The following DOCK9 variants were observed in gnomAD, a reference collection of about 807,000 sequenced individuals.
The protein encoded by DOCK9 is dedicator of cytokinesis 9.
A neutral mutation model predicts 263.3 loss-of-function variants in DOCK9; 89 were observed. The observed-to-expected ratio is 0.34, with a 90% CI of 0.28 to 0.40. DOCK9 has a LOEUF of 0.40. DOCK9 is among the 10% of genes least tolerant of loss of function. The pLI, the probability that DOCK9 is intolerant of heterozygous loss-of-function variation, is 1.00. For missense variants in DOCK9, 2,140 were observed against 2,603.4 expected, an observed-to-expected ratio of 0.82 and a Z score of 3.87; for synonymous variants, 976 against 973.1, an observed-to-expected ratio of 1.00 and a Z score of -0.06.
At chr13:98,962,147 A>G (rs2058704743) in intron 1 of DOCK9, among the ~76,000 whole-genome samples, 1 of 152,238 alleles carries the variant, frequency 6.6e-6, no homozygotes, top group South Asian at 2.1e-4. Flanking sequence ...ATGAAGAATG[A>G]TAATACAAAA....
intron 24 of DOCK9, 21 bp downstream of exon 24, chr13:98,881,871 G>A (rs1321848504): frequency 6.5e-7 from 1 of 1,529,008 alleles, no homozygotes; most frequent in Admixed American, 1.9e-5. Flanking sequence ...GTGAGGAAGA[G>A]CATCCATCCA....
At chr13:98,944,749 G>C (rs2056485658) in intron 2 of DOCK9, among the ~76,000 whole-genome samples, 1 of 152,208 alleles carries the variant, frequency 6.6e-6, no homozygotes, top group South Asian at 2.1e-4. Context: ...CCAATCAGCT[G>C]AACCTCACTT....
At position 98,977,162 on chromosome 13, in the gene DOCK9, A is replaced by G. The variant is rs144757991; in HGVS notation, c.126+622T>C. On this transcript the variant is annotated intron_variant, in intron 1 of 52. Transcript: ENST00000682017. ...ACCATTTTTCACATTCCTCCCCTCCAAAGTCCACCAAAGCACTTGGCTTTA... is the reference window on the plus strand; with the variant it reads ...ACCATTTTTCACATTCCTCCCCTCCGAAGTCCACCAAAGCACTTGGCTTTA... Among the ~76,000 whole-genome samples the G allele has an allele frequency of 8.4e-3, 1,286 of 152,306 alleles. 10 individuals are homozygous for G. The highest frequency in any genetic ancestry group is 0.027 in the Middle Eastern group (8 of 294).
chr13:98,883,714 A>G, intron 22 of DOCK9, 99 bp downstream of exon 22: 3 of 685,416 alleles, frequency 4.4e-6, no homozygotes, highest in Non-Finnish European at 7.2e-6. Flanking sequence ...TAGAGTAAAA[A>G]TATAGTAATA....
intron 1 of DOCK9, among the ~76,000 whole-genome samples, chr13:99,045,514 G>A (rs916835014): frequency 6.6e-6 from 1 of 152,138 alleles, no homozygotes; most frequent in South Asian, 2.1e-4. Flanking sequence ...GTGGGGTTTG[G>A]AGAGATGTTG....
intron 1 of DOCK9, among the ~76,000 whole-genome samples, chr13:98,987,538 A>G (rs574204630): frequency 2.0e-4 from 30 of 152,334 alleles, no homozygotes; most frequent in African/African-American, 7.2e-4. Context: ...ACGATGTTAC[A>G]TAAGCATTTA....
intron 18 of DOCK9, among the ~76,000 whole-genome samples, chr13:98,887,503 CTA>C (rs2045948312): frequency 1.3e-5 from 2 of 150,480 alleles, no homozygotes; most frequent in Admixed American, 1.3e-4. Context: ...GTAGTCCCAG[CTA>C]CTCGGGAGGC....
chr13:98,920,860 C>T (rs2051856476), intron 7 of DOCK9, 94 bp downstream of exon 7: 3 of 1,239,232 alleles, frequency 2.4e-6, no homozygotes, highest in East Asian at 2.5e-5. Flanking sequence ...ATGCATATTG[C>T]CATTTTTGGA....
At chr13:99,040,815 C>T (rs1324988) in intron 1 of DOCK9, among the ~76,000 whole-genome samples, 33,840 of 152,056 alleles carry the variant, frequency 0.22, 3,772 homozygotes, top group Middle Eastern at 0.31. Flanking sequence ...CATCCAGGAC[C>T]CCCCAAAGCA....
At chr13:98,840,244 AT>A (rs2093161272) in intron 38 of DOCK9, among the ~76,000 whole-genome samples, 1 of 152,208 alleles carries the variant, frequency 6.6e-6, no homozygotes, top group African/African-American at 2.4e-5. Context: ...TTGAAAGCTG[AT>A]TAAGCAGCTT....
Position 98,853,390 on chromosome 13 carries a change from C to A in DOCK9, c.3946+18G>T. 1 of 1,535,160 alleles carries A rather than the reference C, an allele frequency of 6.5e-7. No homozygotes were observed. Among genetic ancestry groups the A allele is most frequent in the Admixed American group, 1.8e-5 (1 of 54,864 alleles). On this transcript the variant is annotated intron_variant, in intron 35 of 52. Transcript: ENST00000682017. ...GTGCTGAAACGAGCAAAACAGAAATCTCCATTTTTTAACCTACCATCAGAC... is the reference window on the plus strand; with the variant it reads ...GTGCTGAAACGAGCAAAACAGAAATATCCATTTTTTAACCTACCATCAGAC...
At chr13:98,937,402 G>A (rs1376911450) in intron 2 of DOCK9, among the ~76,000 whole-genome samples, 1 of 152,198 alleles carries the variant, frequency 6.6e-6, no homozygotes, top group Non-Finnish European at 1.5e-5. Flanking sequence ...AAGAAAGATA[G>A]GTAGATAGAT....
At position 98,902,442 on chromosome 13, in the gene DOCK9, C is replaced by T. The variant is rs377750819; in HGVS notation, c.1226G>A (p.Arg409Gln). Reference sequence around the variant, plus strand: ...TACGTGGAAATCGGCAGAAATCTTCCGGTTGTATTTTATGTCAAACAGGGA... The same window carrying T: ...TACGTGGAAATCGGCAGAAATCTTCTGGTTGTATTTTATGTCAAACAGGGA... ...TLSLFDIKYN[R>Q]KISADFHVDL... The change falls in exon 12 of 53, where the codon CGG becomes CAG. Residue 409 changes from arginine (R) to glutamine (Q), a missense_variant. Around this residue, in one of 2 missense-constraint regions of DOCK9, gnomAD observed 1,521 missense variants for 1,741.7 expected, o/e 0.87. Coordinates refer to ENST00000682017, the MANE Select transcript of DOCK9 (RefSeq NM_001366683.2). 2.5e-5 allele frequency: 41 copies of T among 1,613,834 alleles called. No individual in the cohort carries two copies. Among genetic ancestry groups the T allele is most frequent in the African/African-American group, 8.0e-5 (6 of 74,912 alleles).
At chr13:98,991,350 G>A (rs1044668463) in intron 1 of DOCK9, among the ~76,000 whole-genome samples, 15 of 152,078 alleles carry the variant, frequency 9.9e-5, no homozygotes, top group African/African-American at 1.9e-4. Flanking sequence ...GATTACAGGC[G>A]CGAGCCACCG....
rs74732588 is a variant in DOCK9, at chr13:98,825,052, C to A, written c.5024-548G>T. Reference sequence around the variant, plus strand: ...ACAGGCTGCCTTAGCTGGTTCCCACCCCAGAGGCCCCGGGGTGGGTGGCTG... The same window carrying A: ...ACAGGCTGCCTTAGCTGGTTCCCACACCAGAGGCCCCGGGGTGGGTGGCTG... On this transcript the variant is annotated intron_variant, in intron 44 of 52. Transcript: ENST00000682017. This position sits in a 1 kb window ranked among gnomAD's most constrained non-coding sequence, Gnocchi z 4.1. Among the ~76,000 whole-genome samples, 2,617 of 152,252 alleles carry A rather than the reference C, an allele frequency of 0.017. 91 individuals are homozygous for A. The highest frequency in any genetic ancestry group is 0.06 in the African/African-American group (2,500 of 41,526).
chr13:98,848,562 C>T (rs1200961150), intron 37 of DOCK9, 30 bp downstream of exon 37: 4 of 1,602,848 alleles, frequency 2.5e-6, no homozygotes, highest in Admixed American at 1.7e-5. Context: ...CAGAAAACAA[C>T]ACGTTTCGAA....
chr13:98,966,287 G>A (rs775200303), intron 1 of DOCK9, among the ~76,000 whole-genome samples: 1 of 152,214 alleles, frequency 6.6e-6, no homozygotes, highest in Non-Finnish European at 1.5e-5. Context: ...CCGGCCATGG[G>A]CCAACACCAG....
intron 1 of DOCK9, among the ~76,000 whole-genome samples, chr13:99,081,966 C>T (rs1407681290): frequency 1.3e-5 from 2 of 152,142 alleles, no homozygotes; most frequent in Non-Finnish European, 2.9e-5. Context: ...GCTGGGTATG[C>T]TGGCTCGCAC....
In DOCK9 at chr13:98,829,562, T is replaced by C. The variant is rs777173501; in HGVS notation, c.4750-40A>G. Reference sequence around the variant, plus strand: ...GAAGAGGAAAGGACACATGGCTTCCTCTGTTTGCTGCCTGTCCACAAGCAC... The same window carrying C: ...GAAGAGGAAAGGACACATGGCTTCCCCTGTTTGCTGCCTGTCCACAAGCAC... On this transcript the variant is annotated intron_variant, in intron 42 of 52. Transcript: ENST00000682017. This position sits in a 1 kb window ranked among gnomAD's most constrained non-coding sequence, Gnocchi z 4.1. 6.3e-7 allele frequency: 1 copy of C among 1,591,976 alleles called. No homozygotes were observed. Among genetic ancestry groups the C allele is most frequent in the Admixed American group, 1.8e-5 (1 of 56,552 alleles).
Sources: allele counts gnomAD v4.1 joint callset (sites outside exome capture counted in the v4.1 genomes callset), GRCh38; gene constraint gnomAD v4.1.1; regional missense constraint gnomAD v4.1.1; non-coding constraint Gnocchi (gnomAD v3.1); transcripts MANE v1.5; gene names NCBI Gene and HGNC (gene_info 2026-07-23, HGNC 2026-07-21).